The following TMEM150A variants were observed in gnomAD, a reference collection of about 807,000 sequenced individuals.
The protein encoded by TMEM150A is transmembrane protein 150A, also known as fasting-inducible integral membrane protein TM6P1.
A neutral mutation model predicts 29.8 loss-of-function variants in TMEM150A; 18 were observed. That is an observed-to-expected ratio of 0.60 (90% CI 0.42 to 0.90). The LOEUF (loss-of-function observed/expected upper bound fraction) is 0.90, where lower values mean the gene tolerates loss of function less well. TMEM150A is among the 40% of genes least tolerant of loss of function. The pLI, the probability that TMEM150A is intolerant of heterozygous loss-of-function variation, is 0.00. For missense variants in TMEM150A, 251 were observed against 349.7 expected (o/e 0.72, Z 2.25); for synonymous variants, 127 against 143.6 (o/e 0.88, Z 0.83).
chr2:85,600,523 G>A, intron 4 of TMEM150A, 111 bp from the exon 5 acceptor site: 1 of 760,030 alleles, frequency 1.3e-6, no homozygotes, highest in Non-Finnish European at 2.3e-6. Flanking sequence ...TTAGCAGGCA[G>A]GCCACTGATT....
rs182160939 is a variant in TMEM150A at position 85,602,171 on chromosome 2, A to G, written c.-116-107T>C. Reference sequence around the variant, plus strand: ...CTCCCGTTGGGTCTCTGAGCGTCCAAAGTTTGGGCTGAGCCCACGGCAGAA... The same window carrying G: ...CTCCCGTTGGGTCTCTGAGCGTCCAGAGTTTGGGCTGAGCCCACGGCAGAA... On this transcript the variant is annotated intron_variant, in intron 1 of 7. Transcript: ENST00000334462. The surrounding 1 kb of genome is among the most constrained non-coding windows in gnomAD (Gnocchi z 5.6). 2,203 of 509,544 alleles carry G rather than the reference A, an allele frequency of 4.3e-3. 93 individuals are homozygous for G. In the Admixed American group the frequency reaches 0.065, roughly 15 times the overall value. 31.6% of individuals were successfully genotyped at this position (509,544 alleles called of 1,614,324 possible).
In TMEM150A at chr2:85,601,407, G is replaced by T. The variant is rs1209686530; in HGVS notation, c.113+28C>A. The T allele has an allele frequency of 6.2e-7, 1 of 1,613,654 alleles. No homozygotes were observed. The highest frequency in any genetic ancestry group is 8.5e-7 in the Non-Finnish European group (1 of 1,179,744). ...GGACAGAGATGAAGGAAGCTTTAGA[G>T]CAAGGTTGTCTGCAGAGTCCTTCAT... On this transcript the variant is annotated intron_variant, in intron 3 of 7. Transcript: ENST00000334462. The surrounding 1 kb of genome is among the most constrained non-coding windows in gnomAD (Gnocchi z 4.0).
At position 85,599,308 on chromosome 2, in the gene TMEM150A, A is replaced by G; in HGVS notation, c.584T>C (p.Phe195Ser). ...CAGCTGAGAACTCTCATGGACAAAG[A>G]AGACTCCACCTAAAACGAGGCTAAG... ...AFITLVLSGV[F>S]FVHESSQLQH... Residue 195 changes from phenylalanine (F) to serine (S), a missense_variant, in exon 8 of 8, where the codon TTC (phenylalanine) becomes TCC (serine). Transcript: ENST00000334462. This position sits in a 1 kb window ranked among gnomAD's most constrained non-coding sequence, Gnocchi z 6.0. 2 of 1,614,010 alleles carry G rather than the reference A, an allele frequency of 1.2e-6. No homozygotes were observed. Among genetic ancestry groups the G allele is most frequent in the Non-Finnish European group, 1.7e-6 (2 of 1,179,944 alleles).
chr2:85,599,768 G>GA lies in TMEM150A; in HGVS notation c.397-67dup. 1 of 1,590,222 alleles carries GA rather than the reference G, an allele frequency of 6.3e-7. No homozygotes were observed. The highest frequency in any genetic ancestry group is 8.6e-7 in the Non-Finnish European group (1 of 1,167,044). On this transcript the variant is annotated intron_variant, in intron 6 of 7. Coordinates refer to ENST00000334462, the MANE Select transcript of TMEM150A (RefSeq NM_001031738.3). This position sits in a 1 kb window ranked among gnomAD's most constrained non-coding sequence, Gnocchi z 6.0. Reference sequence around the variant, plus strand: ...CCCACCTCTCCACCCCTCCTTCAATGAATCTCCTCTCTCCCTCTTCCTTCC... The same window carrying GA: ...CCCACCTCTCCACCCCTCCTTCAATGAAATCTCCTCTCTCCCTCTTCCTTCC...
Position 85,599,456 on chromosome 2 carries a change from C to G in TMEM150A, c.574+69G>C, listed in dbSNP as rs1672805193. On this transcript the variant is annotated intron_variant, in intron 7 of 7. Coordinates refer to ENST00000334462, the MANE Select transcript of TMEM150A (RefSeq NM_001031738.3). The surrounding 1 kb of genome is among the most constrained non-coding windows in gnomAD (Gnocchi z 6.0). Reference sequence around the variant, plus strand: ...ATGGCAGTGTTAGGCCTCCACCCCCCATCCTCTTGGGAGGGAGAAAGGTTG... The same window carrying G: ...ATGGCAGTGTTAGGCCTCCACCCCCGATCCTCTTGGGAGGGAGAAAGGTTG... 8.3e-6 allele frequency: 13 copies of G among 1,568,166 alleles called. No homozygotes were observed. In the South Asian group the frequency reaches 1.1e-4, roughly 13 times the overall value.
Position 85,601,498 on chromosome 2 carries a change from T to C in TMEM150A, c.66-16A>G. ...CATGGCATACCTGTGGGAACAGAACTGTCACCCTGGCAGCCTTCCCGAGCC... is the reference window on the plus strand; with the variant it reads ...CATGGCATACCTGTGGGAACAGAACCGTCACCCTGGCAGCCTTCCCGAGCC... On this transcript the variant is annotated splice_polypyrimidine_tract_variant and intron_variant, in intron 2 of 7. Transcript: ENST00000334462. This position sits in a 1 kb window ranked among gnomAD's most constrained non-coding sequence, Gnocchi z 4.0. 1 of 1,609,284 alleles carries C rather than the reference T, an allele frequency of 6.2e-7. No individual in the cohort carries two copies. The highest frequency in any genetic ancestry group is 8.5e-7 in the Non-Finnish European group (1 of 1,177,700).
Position 85,599,426 on chromosome 2 carries a change from C to T in TMEM150A, c.574+99G>A. 6.4e-7 allele frequency: 1 copy of T among 1,568,084 alleles called. No individual in the cohort carries two copies. The highest frequency in any genetic ancestry group is 2.2e-5 in the East Asian group (1 of 44,486). The stretch of plus-strand genomic sequence containing the variant: ...AAAGGGAGAGGTGTTAGTCCTCTCC[C>T]CCACATGGCAGTGTTAGGCCTCCAC... On this transcript the variant is annotated intron_variant, in intron 7 of 7. Coordinates refer to ENST00000334462, the MANE Select transcript of TMEM150A (RefSeq NM_001031738.3). The surrounding 1 kb of genome is among the most constrained non-coding windows in gnomAD (Gnocchi z 6.0).
rs1415367328 is a variant in TMEM150A at position 85,601,856 on chromosome 2, T to G, written c.65+28A>C. ...TTTGTGTGCGTCATCAAGCTCCTGT[T>G]GCCCCCCGGGCACCCCCCTTTACTC... is the stretch of plus-strand genomic sequence containing the variant. On this transcript the variant is annotated intron_variant, in intron 2 of 7. Transcript: ENST00000334462. This position sits in a 1 kb window ranked among gnomAD's most constrained non-coding sequence, Gnocchi z 4.0. 1 of 1,612,700 alleles carries G rather than the reference T, an allele frequency of 6.2e-7. No individual in the cohort carries two copies. Among genetic ancestry groups the G allele is most frequent in the Non-Finnish European group, 8.5e-7 (1 of 1,178,916 alleles).
Position 85,602,002 on chromosome 2 carries a change from G to T in TMEM150A, c.-54C>A. ...GTTGGGGGGAGGACAAGAGGTAGAT[G>T]GGGAAGTGGGGGCGGACCAGCTACC... On this transcript the variant is annotated 5_prime_UTR_variant, in exon 2 of 8. Coordinates refer to ENST00000334462, the MANE Select transcript of TMEM150A (RefSeq NM_001031738.3). The surrounding 1 kb of genome is among the most constrained non-coding windows in gnomAD (Gnocchi z 5.6). The T allele has an allele frequency of 6.7e-7, 1 of 1,495,616 alleles. No individual in the cohort carries two copies. The highest frequency in any genetic ancestry group is 1.1e-5 in the South Asian group (1 of 88,538). 92.6% of individuals were successfully genotyped at this position (1,495,616 alleles called of 1,614,324 possible).
Position 85,601,137 on chromosome 2 carries a change from G to A in TMEM150A, c.114-30C>T, listed in dbSNP as rs780565785. The A allele has an allele frequency of 8.7e-6, 14 of 1,606,248 alleles. No individual in the cohort carries two copies. The East Asian group carries it at 3.1e-4, about 36-fold the overall frequency. On this transcript the variant is annotated intron_variant, in intron 3 of 7. Coordinates refer to ENST00000334462, the MANE Select transcript of TMEM150A (RefSeq NM_001031738.3). This position sits in a 1 kb window ranked among gnomAD's most constrained non-coding sequence, Gnocchi z 4.0. ...CAGGCAGGACAGGGAGTAGACTGGG[G>A]GAAGGGACTGCCCCCAGGCCCTTGG...
rs560181969 is a variant in TMEM150A, at chr2:85,598,857, C to T, written c.*219G>A. The T allele has an allele frequency of 6.6e-5, 43 of 650,390 alleles. No individual in the cohort carries two copies. The highest frequency in any genetic ancestry group is 9.8e-5 in the Non-Finnish European group (39 of 396,472). 40.3% of individuals were successfully genotyped at this position (650,390 alleles called of 1,614,324 possible). On this transcript the variant is annotated 3_prime_UTR_variant, in exon 8 of 8. Coordinates refer to ENST00000334462, the MANE Select transcript of TMEM150A (RefSeq NM_001031738.3). ...GGACAGGTGACCTTTAAAAACAAAA[C>T]GACACCGTGGGGTGGGGAAGCAGGT...
Position 85,602,004 on chromosome 2 carries a change from G to C in TMEM150A, c.-56C>G. On this transcript the variant is annotated 5_prime_UTR_variant, in exon 2 of 8. Transcript: ENST00000334462. The surrounding 1 kb of genome is among the most constrained non-coding windows in gnomAD (Gnocchi z 5.6). ...TGGGGGGAGGACAAGAGGTAGATGG[G>C]GAAGTGGGGGCGGACCAGCTACCTT... 6.7e-7 allele frequency: 1 copy of C among 1,494,682 alleles called. No homozygotes were observed. The highest frequency in any genetic ancestry group is 1.1e-5 in the South Asian group (1 of 88,530). 92.6% of individuals were successfully genotyped at this position (1,494,682 alleles called of 1,614,324 possible).
chr2:85,599,046 G>A lies in TMEM150A; in HGVS notation c.*30C>T, dbSNP rs1354349937. 1 of 1,599,380 alleles carries A rather than the reference G, an allele frequency of 6.3e-7. No homozygotes were observed. Among genetic ancestry groups the A allele is most frequent in the African/African-American group, 1.3e-5 (1 of 74,520 alleles). ...AAGAAGATATGGGGTGGGGTGCTGT[G>A]GAGGCCGGGCCAGCCACCCTCCCCA... is the stretch of plus-strand genomic sequence containing the variant. On this transcript the variant is annotated 3_prime_UTR_variant, in exon 8 of 8. Transcript: ENST00000334462. This position sits in a 1 kb window ranked among gnomAD's most constrained non-coding sequence, Gnocchi z 6.0.
Position 85,601,208 on chromosome 2 carries a change from T to A in TMEM150A, c.114-101A>T. On this transcript the variant is annotated intron_variant, in intron 3 of 7. Transcript: ENST00000334462. The surrounding 1 kb of genome is among the most constrained non-coding windows in gnomAD (Gnocchi z 4.0). ...AGAGGACTCTCTCCCAGACCTCCCC[T>A]ACAGGGACAGAAGATCCCACTCCCC... 7.6e-7 allele frequency: 1 copy of A among 1,321,946 alleles called. No homozygotes were observed. Among genetic ancestry groups the A allele is most frequent in the Non-Finnish European group, 1.1e-6 (1 of 931,460 alleles). 81.9% of individuals were successfully genotyped at this position (1,321,946 alleles called of 1,614,324 possible).
Position 85,599,689 on chromosome 2 carries a change from C to G in TMEM150A, c.410G>C (p.Arg137Thr). The G allele has an allele frequency of 6.2e-7, 1 of 1,612,890 alleles. No homozygotes were observed. Among genetic ancestry groups the G allele is most frequent in the Non-Finnish European group, 8.5e-7 (1 of 1,179,722 alleles). Residue 137 changes from arginine to threonine, a missense_variant, in exon 7 of 8, where the codon AGG (arginine) becomes ACG (threonine). Coordinates refer to ENST00000334462, the MANE Select transcript of TMEM150A (RefSeq NM_001031738.3). This position sits in a 1 kb window ranked among gnomAD's most constrained non-coding sequence, Gnocchi z 6.0. ...VVGNFQVDHA[R>T]SLHYVGAGVA... ...GCCAGCTCCAACGTAGTGCAGAGACCTGGCATGATCCACCTGGGCCCAGAG... is the reference window on the plus strand; with the variant it reads ...GCCAGCTCCAACGTAGTGCAGAGACGTGGCATGATCCACCTGGGCCCAGAG...
Position 85,599,370 on chromosome 2 carries a change from C to A in TMEM150A, c.575-53G>T. 4 of 1,604,818 alleles carry A rather than the reference C, an allele frequency of 2.5e-6. No homozygotes were observed. In the South Asian group the frequency reaches 4.4e-5, roughly 18 times the overall value. ...TAGGACATACGGAAACCTGGCAACACCCCTTCTGCAGTCTCAGGCCTCACC... is the reference window on the plus strand; with the variant it reads ...TAGGACATACGGAAACCTGGCAACAACCCTTCTGCAGTCTCAGGCCTCACC... On this transcript the variant is annotated intron_variant, in intron 7 of 7. Coordinates refer to ENST00000334462, the MANE Select transcript of TMEM150A (RefSeq NM_001031738.3). This position sits in a 1 kb window ranked among gnomAD's most constrained non-coding sequence, Gnocchi z 6.0.
chr2:85,598,892 G>A lies in TMEM150A; in HGVS notation c.*184C>T. ...GGGTGGGGAAGCAGGTCATGCAGCT[G>A]TGGCAGCTGGCAGGGCCCACTCCTC... On this transcript the variant is annotated 3_prime_UTR_variant, in exon 8 of 8. Transcript: ENST00000334462. 1 of 844,362 alleles carries A rather than the reference G, an allele frequency of 1.2e-6. No individual in the cohort carries two copies. The highest frequency in any genetic ancestry group is 1.8e-6 in the Non-Finnish European group (1 of 561,924). The allele number at this position is 844,362 out of a possible 1,614,324, so 52.3% of individuals were successfully genotyped here. A position where few individuals can be genotyped will look rare whatever the true frequency, so the allele number is the denominator to read the frequency against.
intron 5 of TMEM150A, 37 bp from the exon 6 acceptor site, chr2:85,600,055 C>G (rs569111919): frequency 6.2e-7 from 1 of 1,606,444 alleles, no homozygotes; most frequent in Non-Finnish European, 8.5e-7. Flanking sequence ...CTTCCTCCAG[C>G]CCTGGCCCTG....
Position 85,601,616 on chromosome 2 carries a change from C to A in TMEM150A, c.66-134G>T. 1 of 1,063,998 alleles carries A rather than the reference C, an allele frequency of 9.4e-7. No homozygotes were observed. The highest frequency in any genetic ancestry group is 1.4e-6 in the Non-Finnish European group (1 of 729,846). The allele number at this position is 1,063,998 out of a possible 1,614,324, so 65.9% of individuals were successfully genotyped here. ...TTGCTGGGGACTCAAGTTGAGGTCC[C>A]TAAGGCTTGATGCCACACCAGCACC... On this transcript the variant is annotated intron_variant, in intron 2 of 7. Transcript: ENST00000334462. This position sits in a 1 kb window ranked among gnomAD's most constrained non-coding sequence, Gnocchi z 4.0.
Sources: allele counts gnomAD v4.1 joint callset, GRCh38; gene constraint gnomAD v4.1.1; non-coding constraint Gnocchi (gnomAD v3.1); transcripts MANE v1.5; gene names NCBI Gene and HGNC (gene_info 2026-07-23, HGNC 2026-07-21).